Variants in BMPER observed in about 807,000 individuals in gnomAD.
BMPER encodes the protein BMP-binding endothelial regulator protein.
In BMPER, 45 loss-of-function variants were observed where a neutral mutation model predicts 87.3. The ratio of observed to expected loss-of-function variants is 0.52; its 90% CI spans 0.41 to 0.66. BMPER has a LOEUF of 0.66. BMPER is among the 30% of genes least tolerant of loss of function. The pLI, the probability that BMPER is intolerant of heterozygous loss-of-function variation, is 0.00. For synonymous variants in BMPER, 326 were observed against 316.2 expected, an observed-to-expected ratio of 1.03 and a Z score of -0.33; for missense variants, 784 against 867.5, an observed-to-expected ratio of 0.90 and a Z score of 1.21.
chr7:33,943,593 A>G (rs1236468166), intron 3 of BMPER, among the ~76,000 whole-genome samples: 2 of 152,230 alleles, frequency 1.3e-5, no homozygotes, highest in Non-Finnish European at 2.9e-5. Context: ...AAAGGTGTGC[A>G]TGTGTCAAAC....
At chr7:33,921,919 A>C (rs1585638327) in intron 2 of BMPER, 1 of 457,228 alleles carries the variant, frequency 2.2e-6, no homozygotes, top group Non-Finnish European at 4.5e-6. Flanking sequence ...TCCCCACTTC[A>C]CCCCAACCCC....
intron 12 of BMPER, among the ~76,000 whole-genome samples, chr7:34,085,283 A>G (rs1789168452): frequency 6.6e-6 from 1 of 152,204 alleles, no homozygotes; most frequent in Non-Finnish European, 1.5e-5. Context: ...AATGATTTGG[A>G]AATTTTCCTT....
At position 34,154,756 on chromosome 7, in the gene BMPER, T is replaced by G. The variant is rs967450422; in HGVS notation, c.*1483T>G. The G allele has an allele frequency of 2.0e-5, 3 of 147,568 alleles. No individual in the cohort carries two copies. The highest frequency in any genetic ancestry group is 7.6e-5 in the African/African-American group (3 of 39,276). 9.1% of individuals were successfully genotyped at this position (147,568 alleles called of 1,614,324 possible). The stretch of plus-strand genomic sequence containing the variant: ...AACTTGGAATTTTTTTTTTTTTTTT[T>G]GACTGGAAAATCCCTAGTTGTTTGA... On this transcript the variant is annotated 3_prime_UTR_variant, in exon 15 of 15. Transcript: ENST00000649409.
chr7:33,921,324 AGGT>A (rs1784224525), intron 2 of BMPER, among the ~76,000 whole-genome samples: 1 of 152,218 alleles, frequency 6.6e-6, no homozygotes, highest in East Asian at 1.9e-4. Flanking sequence ...CCACCCTGTG[AGGT>A]AGCGCTGGCA....
At chr7:34,037,077 A>G (rs974583352) in intron 6 of BMPER, among the ~76,000 whole-genome samples, 4 of 151,954 alleles carry the variant, frequency 2.6e-5, no homozygotes, top group African/African-American at 9.7e-5. Context: ...TGGGGCTCAC[A>G]CCTGTAATTG....
At chr7:34,058,283 G>T (rs1447155679) in intron 10 of BMPER, 120 bp downstream of exon 10, 1 of 949,498 alleles carries the variant, frequency 1.1e-6, no homozygotes, top group Non-Finnish European at 1.7e-6. Flanking sequence ...CTACATTCCT[G>T]ACTAGTCAAA....
At chr7:33,991,777 C>G (rs1039674507) in intron 6 of BMPER, among the ~76,000 whole-genome samples, 3 of 148,806 alleles carry the variant, frequency 2.0e-5, no homozygotes, top group African/African-American at 7.5e-5. Context: ...TCCCTCTACA[C>G]ACTGCTTTGA....
intron 6 of BMPER, among the ~76,000 whole-genome samples, chr7:34,007,065 G>A (rs1786753824): frequency 6.6e-6 from 1 of 152,044 alleles, no homozygotes; most frequent in South Asian, 2.1e-4. Flanking sequence ...GAGTGAATGA[G>A]GGCAATAAGC....
chr7:34,073,662 A>G (rs1039058891), intron 11 of BMPER, among the ~76,000 whole-genome samples: 1 of 152,256 alleles, frequency 6.6e-6, no homozygotes, highest in African/African-American at 2.4e-5. Flanking sequence ...AAGCTAAGGA[A>G]GAAAATAATA....
In BMPER at chr7:34,110,897, C is replaced by A. The variant is rs137975086; in HGVS notation, c.1745+24805C>A. Among the ~76,000 whole-genome samples the A allele has an allele frequency of 3.7e-3, 561 of 152,236 alleles. 2 individuals carry two copies. The highest frequency in any genetic ancestry group is 0.013 in the African/African-American group (543 of 41,540). ...TGTTGTAGGTCTCTGGGGTTAAAGT[C>A]TCTCAGGGGAGATTTACATGAACTC... On this transcript the variant is annotated intron_variant, in intron 13 of 14. Coordinates refer to ENST00000649409, the MANE Select transcript of BMPER (RefSeq NM_001365308.1).
chr7:34,154,906 A>G lies in BMPER; in HGVS notation c.*1633A>G, dbSNP rs1455084107. The stretch of plus-strand genomic sequence containing the variant: ...ATCTGCAGCCTGAGGTAGTCAGGTC[A>G]TTGTTTCAATGCTGCCCTTGGAAAG... On this transcript the variant is annotated 3_prime_UTR_variant, in exon 15 of 15. Transcript: ENST00000649409. The G allele has an allele frequency of 6.6e-6, 1 of 151,938 alleles. No individual in the cohort carries two copies. Among genetic ancestry groups the G allele is most frequent in the Non-Finnish European group, 1.5e-5 (1 of 67,998 alleles). The allele number at this position is 151,938 out of a possible 1,614,324, so 9.4% of individuals were successfully genotyped here.
intron 6 of BMPER, among the ~76,000 whole-genome samples, chr7:33,995,468 T>C (rs1349030345): frequency 6.6e-6 from 1 of 152,162 alleles, no homozygotes; most frequent in Non-Finnish European, 1.5e-5. Flanking sequence ...CAAGGCTCTA[T>C]CATGGATGCT....
At chr7:34,092,857 T>G (rs1184952607) in intron 13 of BMPER, among the ~76,000 whole-genome samples, 1 of 152,272 alleles carries the variant, frequency 6.6e-6, no homozygotes, top group Non-Finnish European at 1.5e-5. Context: ...CTCTTATGTT[T>G]AATTTTTCAT....
rs186646389 is a variant in BMPER at position 34,133,327 on chromosome 7, C to T, written c.1746-9903C>T. On this transcript the variant is annotated intron_variant, in intron 13 of 14. Transcript: ENST00000649409. ...TCAGGTCTATGTAATGGCACCTCCACGAAAACCCCAAAGGTCAGGGTTTGG... is the reference window on the plus strand; with the variant it reads ...TCAGGTCTATGTAATGGCACCTCCATGAAAACCCCAAAGGTCAGGGTTTGG... Among the ~76,000 whole-genome samples the T allele has an allele frequency of 2.0e-4, 30 of 152,228 alleles. No homozygotes were observed. The East Asian group carries it at 4.7e-3, about 24-fold the overall frequency.
chr7:34,124,482 C>T (rs1353162774), intron 13 of BMPER, among the ~76,000 whole-genome samples: 1 of 149,328 alleles, frequency 6.7e-6, no homozygotes, highest in Non-Finnish European at 1.5e-5. Context: ...AATGGATTAG[C>T]ATTGTGAAGT....
chr7:34,098,005 T>C (rs971132143), intron 13 of BMPER, among the ~76,000 whole-genome samples: 5 of 152,116 alleles, frequency 3.3e-5, no homozygotes, highest in East Asian at 1.9e-4. Context: ...GATTTTTTTT[T>C]CGAAGAAAAA....
At chr7:34,062,629 TTTG>T (rs1404694918) in intron 11 of BMPER, among the ~76,000 whole-genome samples, 5 of 152,118 alleles carry the variant, frequency 3.3e-5, no homozygotes, top group Admixed American at 6.5e-5. Flanking sequence ...CTTAGGTGAT[TTTG>T]TTGTTGTGTG....
intron 13 of BMPER, among the ~76,000 whole-genome samples, chr7:34,114,894 G>A (rs1790069780): frequency 6.6e-6 from 1 of 152,246 alleles, no homozygotes; most frequent in African/African-American, 2.4e-5. Flanking sequence ...AGATGGCCCA[G>A]GCCAGATGTT....
intron 14 of BMPER, among the ~76,000 whole-genome samples, chr7:34,149,521 C>G (rs1861363): frequency 0.73 from 111,254 of 151,926 alleles, 41,721 homozygotes; most frequent in East Asian, 0.91. Flanking sequence ...AACTGGAAGT[C>G]AGAGATAAAA....
Sources: gnomAD v4.1 joint callset for allele counts (sites outside exome capture counted in the v4.1 genomes callset) on GRCh38, gnomAD v4.1.1 for gene constraint, MANE v1.5 for transcripts, NCBI Gene and HGNC (gene_info 2026-07-23, HGNC 2026-07-21) for gene names.